Variants in EML1 observed in about 807,000 individuals in gnomAD.
EML1 encodes the protein EMAP like 1.
A neutral mutation model predicts 110.4 loss-of-function variants in EML1; 27 were observed. The observed-to-expected ratio is 0.24, with a 90% CI of 0.18 to 0.34. EML1 has a LOEUF of 0.34. Among genes scored for constraint, EML1 ranks in the 10% least tolerant of loss-of-function variants. The pLI, the probability that EML1 is intolerant of heterozygous loss-of-function variation, is 1.00. For synonymous variants in EML1, 344 were observed against 385.8 expected, an observed-to-expected ratio of 0.89 and a Z score of 1.27; for missense variants, 741 against 1,030.9, an observed-to-expected ratio of 0.72 and a Z score of 3.85.
At chr14:99,864,852 T>C (rs979892712) in intron 2 of EML1, among the ~76,000 whole-genome samples, 6 of 151,868 alleles carry the variant, frequency 4.0e-5, no homozygotes, top group Non-Finnish European at 8.8e-5. Flanking sequence ...TCCAAGGAAT[T>C]GCCTTCATAC....
chr14:99,758,721 T>A (rs369520625), intron 1 of EML1, among the ~76,000 whole-genome samples: 28 of 152,210 alleles, frequency 1.8e-4, no homozygotes, highest in African/African-American at 6.0e-4. Flanking sequence ...ATGCATTCCA[T>A]ACGGAGGCTT....
rs569927239 is a variant in EML1, at chr14:99,805,080, A to G, written c.67+11537A>G. Among the ~76,000 whole-genome samples, 97 of 152,132 alleles carry G rather than the reference A, an allele frequency of 6.4e-4. 3 individuals are homozygous for G. The South Asian group carries it at 0.02, about 31-fold the overall frequency. ...CGGAGCCGCTCCCTTGTCCTTCAGAACCCTGCTCCCATGCCACGGGAAACC... is the reference window on the plus strand; with the variant it reads ...CGGAGCCGCTCCCTTGTCCTTCAGAGCCCTGCTCCCATGCCACGGGAAACC... On this transcript the variant is annotated intron_variant, in intron 1 of 21. Coordinates refer to ENST00000262233, the MANE Select transcript of EML1 (RefSeq NM_004434.3).
At chr14:99,816,922 C>T (rs1054956149) in intron 1 of EML1, among the ~76,000 whole-genome samples, 2 of 152,176 alleles carry the variant, frequency 1.3e-5, no homozygotes, top group African/African-American at 2.4e-5. Context: ...TGCTTTGATT[C>T]CTTGAGAACA....
At chr14:99,895,744 C>G (rs572082284) in intron 6 of EML1, among the ~76,000 whole-genome samples, 23 of 133,562 alleles carry the variant, frequency 1.7e-4, no homozygotes, top group African/African-American at 6.3e-4. Flanking sequence ...ATTGACATAT[C>G]ACGTAGATAT....
Position 99,827,339 on chromosome 14 carries a change from G to A in EML1, c.68-23514G>A, listed in dbSNP as rs2058376840. 6.6e-6 allele frequency among the ~76,000 whole-genome samples: 1 copy of A among 151,240 alleles called. No homozygotes were observed. Among genetic ancestry groups the A allele is most frequent in the African/African-American group, 2.4e-5 (1 of 41,164 alleles). On this transcript the variant is annotated intron_variant, in intron 1 of 21. Coordinates refer to ENST00000262233, the MANE Select transcript of EML1 (RefSeq NM_004434.3). The surrounding 1 kb of genome is among the most constrained non-coding windows in gnomAD (Gnocchi z 4.4). Reference sequence around the variant, plus strand: ...ACCTTGCCGGTTTTGAGTATCGTGAGTACCCTGGCAGCATAGCTGGTATGA... The same window carrying A: ...ACCTTGCCGGTTTTGAGTATCGTGAATACCCTGGCAGCATAGCTGGTATGA...
chr14:99,846,343 C>T lies in EML1; in HGVS notation c.68-4510C>T, dbSNP rs183841099. On this transcript the variant is annotated intron_variant, in intron 1 of 21. Coordinates refer to ENST00000262233, the MANE Select transcript of EML1 (RefSeq NM_004434.3). Reference sequence around the variant, plus strand: ...TGTCACCCAGGCTGGAGTGCAGTGGCGCAATCTCGGCTTACTGCAACCTTC... The same window carrying T: ...TGTCACCCAGGCTGGAGTGCAGTGGTGCAATCTCGGCTTACTGCAACCTTC... 1.2e-3 allele frequency among the ~76,000 whole-genome samples: 172 copies of T among 139,132 alleles called. 1 individual carries two copies. The highest frequency in any genetic ancestry group is 4.4e-3 in the African/African-American group (164 of 37,214). 91.3% of individuals were successfully genotyped at this position (139,132 alleles called of 152,430 possible).
chr14:99,825,303 A>G (rs936275408), intron 1 of EML1, among the ~76,000 whole-genome samples: 6 of 152,188 alleles, frequency 3.9e-5, no homozygotes, highest in Non-Finnish European at 7.4e-5. Flanking sequence ...TTGTTTATCC[A>G]GTCCTTCATT....
Position 99,941,413 on chromosome 14 carries a change from A to T in EML1, c.*1301A>T, listed in dbSNP as rs2060586832. 1 of 152,220 alleles carries T rather than the reference A, an allele frequency of 6.6e-6. No homozygotes were observed. Among genetic ancestry groups the T allele is most frequent in the Non-Finnish European group, 1.5e-5 (1 of 68,042 alleles). The allele number at this position is 152,220 out of a possible 1,614,324, so 9.4% of individuals were successfully genotyped here. A position where few individuals can be genotyped will look rare whatever the true frequency, so the allele number is the denominator to read the frequency against. On this transcript the variant is annotated 3_prime_UTR_variant, in exon 22 of 22. Coordinates refer to ENST00000262233, the MANE Select transcript of EML1 (RefSeq NM_004434.3). ...AGTGCAACTTTCAAAAACATTTTTG[A>T]TGACATCACCAGCCTACTGCAGAAG...
intron 1 of EML1, among the ~76,000 whole-genome samples, chr14:99,757,432 T>C (rs1402648049): frequency 6.6e-6 from 1 of 152,066 alleles, no homozygotes; most frequent in Non-Finnish European, 1.5e-5. Context: ...AAACTGGCCT[T>C]GCATACAGTC....
intron 1 of EML1, among the ~76,000 whole-genome samples, chr14:99,817,860 T>G (rs750328533): frequency 6.6e-6 from 1 of 152,132 alleles, no homozygotes. Flanking sequence ...GCAGAAGGGA[T>G]GCTCTGCTAG....
At chr14:99,924,307 C>T (rs2060194748) in intron 17 of EML1, among the ~76,000 whole-genome samples, 1 of 152,098 alleles carries the variant, frequency 6.6e-6, no homozygotes, top group African/African-American at 2.4e-5. Flanking sequence ...TTCTAAACTT[C>T]TTTGATTAGT....
intron 5 of EML1, among the ~76,000 whole-genome samples, chr14:99,893,622 C>G (rs2059624740): frequency 6.6e-6 from 1 of 152,196 alleles, no homozygotes; most frequent in Non-Finnish European, 1.5e-5. Context: ...ACTTATAAAA[C>G]TAACTTGTAC....
chr14:99,840,005 A>G (rs1015064483), intron 1 of EML1, among the ~76,000 whole-genome samples: 2 of 148,574 alleles, frequency 1.3e-5, no homozygotes, highest in Middle Eastern at 3.3e-3. Context: ...GAGCAATGAC[A>G]GTTAATTGCT....
intron 1 of EML1, among the ~76,000 whole-genome samples, chr14:99,810,120 G>A (rs536936259): frequency 2.6e-5 from 4 of 152,250 alleles, no homozygotes; most frequent in South Asian, 2.1e-4. Context: ...GAAGCCTGGC[G>A]TGTAGGAAGC....
intron 15 of EML1, among the ~76,000 whole-genome samples, chr14:99,917,349 C>A (rs893692691): frequency 4.6e-5 from 7 of 152,128 alleles, no homozygotes; most frequent in African/African-American, 1.7e-4. Flanking sequence ...ACAGGAGGAT[C>A]ACTTGAGCCC....
In EML1 at chr14:99,827,976, G is replaced by A. The variant is rs1237293128; in HGVS notation, c.68-22877G>A. Among the ~76,000 whole-genome samples the A allele has an allele frequency of 3.3e-5, 5 of 152,074 alleles. No homozygotes were observed. The highest frequency in any genetic ancestry group is 4.8e-5 in the African/African-American group (2 of 41,400). On this transcript the variant is annotated intron_variant, in intron 1 of 21. Transcript: ENST00000262233. The surrounding 1 kb of genome is among the most constrained non-coding windows in gnomAD (Gnocchi z 4.4). Reference sequence around the variant, plus strand: ...ATTCTTGCCTGTGAATGAAATGGAGGGAATTGAAGATTTCGGTGTGCTTGC... The same window carrying A: ...ATTCTTGCCTGTGAATGAAATGGAGAGAATTGAAGATTTCGGTGTGCTTGC...
chr14:99,831,306 C>T (rs1039355236), intron 1 of EML1, among the ~76,000 whole-genome samples: 2 of 152,082 alleles, frequency 1.3e-5, no homozygotes, highest in Admixed American at 6.5e-5. Flanking sequence ...ATCATCCGGT[C>T]GTAGTCTCAC....
chr14:99,757,025 G>A (rs1407601302), intron 1 of EML1, among the ~76,000 whole-genome samples: 1 of 152,210 alleles, frequency 6.6e-6, no homozygotes, highest in Non-Finnish European at 1.5e-5. Flanking sequence ...AGTGCAAAAC[G>A]AACATATGGA....
intron 16 of EML1, 126 bp from the exon 17 acceptor site, chr14:99,920,663 C>T: frequency 1.4e-6 from 1 of 738,518 alleles, no homozygotes; most frequent in South Asian, 2.3e-5. Context: ...AACAAGCTTT[C>T]TTATTAAGCA....
Sources: gnomAD v4.1 joint callset for allele counts (sites outside exome capture counted in the v4.1 genomes callset) on GRCh38, gnomAD v4.1.1 for gene constraint, Gnocchi (gnomAD v3.1) non-coding constraint, MANE v1.5 for transcripts, NCBI Gene and HGNC (gene_info 2026-07-23, HGNC 2026-07-21) for gene names.